IP6K1: variants seen among roughly 807,000 people sequenced by gnomAD.
The protein encoded by IP6K1 is ATP:1D-myo-inositol-hexakisphosphate phosphotransferase.
In IP6K1, 13 loss-of-function variants were observed where a neutral mutation model predicts 38.3. The observed-to-expected ratio is 0.34, with a 90% CI of 0.22 to 0.54. The LOEUF (loss-of-function observed/expected upper bound fraction) is 0.54, where lower values mean the gene tolerates loss of function less well. IP6K1 is among the 20% of genes least tolerant of loss of function. IP6K1 has a pLI of 0.92. For synonymous variants in IP6K1, 212 were observed against 229.9 expected, an observed-to-expected ratio of 0.92 and a Z score of 0.70; for missense variants, 397 against 599.8, an observed-to-expected ratio of 0.66 and a Z score of 3.53.
At chr3:49,754,024 T>C (rs1302097045) in intron 1 of IP6K1, among the ~76,000 whole-genome samples, 1 of 151,720 alleles carries the variant, frequency 6.6e-6, no homozygotes, top group Non-Finnish European at 1.5e-5. Flanking sequence ...ACAAAAGAGA[T>C]TAAAAAGGGG....
chr3:49,760,538 C>T (rs1171289745), intron 1 of IP6K1, among the ~76,000 whole-genome samples: 1 of 149,328 alleles, frequency 6.7e-6, no homozygotes, highest in African/African-American at 2.5e-5. Context: ...GCAGGAGAAT[C>T]ACTTGAACCC....
intron 1 of IP6K1, among the ~76,000 whole-genome samples, chr3:49,753,206 C>A (rs369168720): frequency 6.6e-6 from 1 of 152,232 alleles, no homozygotes; most frequent in African/African-American, 2.4e-5. Context: ...TACTGGCCTT[C>A]ATGATGTTCC....
intron 1 of IP6K1, among the ~76,000 whole-genome samples, chr3:49,783,017 G>A (rs1008456703): frequency 3.3e-5 from 5 of 151,836 alleles, no homozygotes; most frequent in Non-Finnish European, 5.9e-5. Context: ...CTACTCGGGA[G>A]GCTGAGGCAG....
At chr3:49,782,684 G>A (rs551467991) in intron 1 of IP6K1, among the ~76,000 whole-genome samples, 1 of 151,812 alleles carries the variant, frequency 6.6e-6, no homozygotes, top group South Asian at 2.1e-4. Context: ...GGTGGCGCAT[G>A]TGTGTAGTCC....
chr3:49,766,361 C>T lies in IP6K1; in HGVS notation c.-128-18193G>A, dbSNP rs1335734600. ...TCCAGCCTGGGTGACAAGAGCGAAA[C>T]TCTGTCTAAAAAAAAAGAAACGCCA... On this transcript the variant is annotated intron_variant, in intron 1 of 5. Transcript: ENST00000321599. Among the ~76,000 whole-genome samples, 6 of 150,140 alleles carry T rather than the reference C, an allele frequency of 4.0e-5. No individual in the cohort carries two copies. The South Asian group carries it at 6.3e-4, about 16-fold the overall frequency.
intron 1 of IP6K1, among the ~76,000 whole-genome samples, chr3:49,773,980 AACACACACACACACACACACACAC>A (rs10575617): frequency 2.1e-5 from 3 of 142,178 alleles, no homozygotes; most frequent in Non-Finnish European, 3.1e-5. Context: ...CTCTCTCTAA[AACACACACACACACACACACACAC>A]ACACACACAC....
intron 1 of IP6K1, among the ~76,000 whole-genome samples, chr3:49,762,405 G>A (rs554768660): frequency 6.6e-6 from 1 of 152,294 alleles, no homozygotes; most frequent in African/African-American, 2.4e-5. Context: ...AGCTGGCAAG[G>A]TGGCGGGCGC....
At chr3:49,778,249 C>T (rs995854876) in intron 1 of IP6K1, among the ~76,000 whole-genome samples, 5 of 150,758 alleles carry the variant, frequency 3.3e-5, no homozygotes, top group African/African-American at 1.2e-4. Flanking sequence ...CACTTGAACC[C>T]TGGAGGTGGA....
chr3:49,741,888 C>G (rs1006636388), intron 2 of IP6K1, among the ~76,000 whole-genome samples: 2 of 152,108 alleles, frequency 1.3e-5, no homozygotes, highest in Admixed American at 1.3e-4. Flanking sequence ...AAGGTGCCTC[C>G]CAGGGAAGGG....
chr3:49,743,001 G>A (rs1299974596), intron 2 of IP6K1, among the ~76,000 whole-genome samples: 1 of 152,154 alleles, frequency 6.6e-6, no homozygotes, highest in East Asian at 1.9e-4. Context: ...GCCAAGGCAA[G>A]TGGGTCACTT....
At position 49,773,839 on chromosome 3, in the gene IP6K1, T is replaced by C. The variant is rs150888801; in HGVS notation, c.-129+12515A>G. ...CCCTGATCCATACAACATCTTCAAG[T>C]TGAGCATAAGTCTTTATAAATAAGT... On this transcript the variant is annotated intron_variant, in intron 1 of 5. Coordinates refer to ENST00000321599, the MANE Select transcript of IP6K1 (RefSeq NM_153273.4). 9.1e-3 allele frequency among the ~76,000 whole-genome samples: 1,383 copies of C among 152,196 alleles called. 19 individuals are homozygous for C. Among genetic ancestry groups the C allele is most frequent in the African/African-American group, 0.031 (1,302 of 41,524 alleles).
intron 1 of IP6K1, among the ~76,000 whole-genome samples, chr3:49,760,703 TTCCAAATTTC>T (rs1196435639): frequency 2.4e-4 from 37 of 151,996 alleles, no homozygotes; most frequent in African/African-American, 4.8e-4. Context: ...TAAGAGCAGT[TTCCAAATTTC>T]TCCAAATTTC....
intron 2 of IP6K1, among the ~76,000 whole-genome samples, chr3:49,745,079 CA>C (rs1315233218): frequency 6.6e-6 from 1 of 151,356 alleles, no homozygotes; most frequent in African/African-American, 2.4e-5. Context: ...GCCCTGAACT[CA>C]TAAGTGTAAA....
intron 1 of IP6K1, among the ~76,000 whole-genome samples, chr3:49,780,154 TCAG>T (rs995619733): frequency 1.3e-4 from 20 of 152,082 alleles, no homozygotes; most frequent in African/African-American, 4.3e-4. Context: ...ACAAAAGAGA[TCAG>T]CAGATTTTCT....
In IP6K1 at chr3:49,762,206, C is replaced by A. The variant is rs143707764; in HGVS notation, c.-128-14038G>T. ...TACTCAAGTGATTCACCCACCTCAGCCTCCCAAAGTGCTGGGATTACAGGC... is the reference window on the plus strand; with the variant it reads ...TACTCAAGTGATTCACCCACCTCAGACTCCCAAAGTGCTGGGATTACAGGC... On this transcript the variant is annotated intron_variant, in intron 1 of 5. Transcript: ENST00000321599. Among the ~76,000 whole-genome samples the A allele has an allele frequency of 4.1e-3, 627 of 152,254 alleles. 4 individuals carry two copies. The highest frequency in any genetic ancestry group is 0.014 in the African/African-American group (598 of 41,536).
At chr3:49,754,605 T>G (rs1041826829) in intron 1 of IP6K1, among the ~76,000 whole-genome samples, 4 of 151,724 alleles carry the variant, frequency 2.6e-5, no homozygotes, top group African/African-American at 9.7e-5. Context: ...AGTTTTTTTT[T>G]GTGTGTGTTT....
At chr3:49,752,104 C>T (rs780596703) in intron 1 of IP6K1, among the ~76,000 whole-genome samples, 10 of 152,102 alleles carry the variant, frequency 6.6e-5, no homozygotes, top group Non-Finnish European at 1.3e-4. Context: ...CTCCTGGGAT[C>T]AAGGGATCCT....
Position 49,738,236 on chromosome 3 carries a change from C to G in IP6K1, c.410G>C (p.Ser137Thr), listed in dbSNP as rs201162462. The G allele has an allele frequency of 3.3e-5, 53 of 1,614,194 alleles. No homozygotes were observed. In the South Asian group the frequency reaches 5.4e-4, roughly 16 times the overall value. ...CCTCTCAGAGGTCTCAAGGGACAGG[C>G]TGGCTTTCTCCTCCTTGTGGTCACT... is the stretch of plus-strand genomic sequence containing the variant. ...SGSDHKEEKA[S>T]LSLETSESSQ... Residue 137 changes from serine (S) to threonine (T), a missense_variant, in exon 3 of 6, where the codon AGC (serine) becomes ACC (threonine). By Grantham distance (58) the Ser-to-Thr change is moderately conservative. Transcript: ENST00000321599.
intron 1 of IP6K1, 184 bp downstream of exon 1, chr3:49,786,170 C>T (rs746567685): frequency 6.6e-6 from 1 of 152,262 alleles, no homozygotes; most frequent in Admixed American, 6.5e-5. Flanking sequence ...CACCGGCTGT[C>T]CCCCCGGCTT....
Sources: gnomAD v4.1 joint callset for allele counts (sites outside exome capture counted in the v4.1 genomes callset) on GRCh38, gnomAD v4.1.1 for gene constraint, MANE v1.5 for transcripts, NCBI Gene and HGNC (gene_info 2026-07-23, HGNC 2026-07-21) for gene names.